Variants in NEK10 observed in about 807,000 individuals in gnomAD.
NEK10 encodes NIMA related kinase 10, also known as serine/threonine-protein kinase Nek10.
In NEK10, 122 loss-of-function variants were observed where a neutral mutation model predicts 159.8. That is an observed-to-expected ratio of 0.76 (90% CI 0.66 to 0.89). The LOEUF (loss-of-function observed/expected upper bound fraction) is 0.89. Among genes scored for constraint, NEK10 ranks in the 40% least tolerant of loss-of-function variants. The pLI is 0.00. For missense variants in NEK10, 1,342 were observed against 1,323.1 expected (o/e 1.01, Z -0.22); for synonymous variants, 466 against 457.1 (o/e 1.02, Z -0.25).
chr3:27,246,502 C>A (rs1377359056), intron 23 of NEK10, among the ~76,000 whole-genome samples: 1 of 152,022 alleles, frequency 6.6e-6, no homozygotes, highest in Non-Finnish European at 1.5e-5. Context: ...GAATAATAAT[C>A]ACATCACAGT....
chr3:27,178,922 T>A (rs1947790773), intron 26 of NEK10, among the ~76,000 whole-genome samples: 1 of 152,202 alleles, frequency 6.6e-6, no homozygotes, highest in Admixed American at 6.5e-5. Context: ...TAATCTTTGA[T>A]CCTGAAAGTT....
intron 22 of NEK10, among the ~76,000 whole-genome samples, chr3:27,268,249 G>A (rs2041061867): frequency 1.3e-5 from 2 of 152,230 alleles, no homozygotes; most frequent in Non-Finnish European, 2.9e-5. Flanking sequence ...GCTATGGCAA[G>A]TTATCCAGAT....
chr3:27,302,635 C>G (rs557847223), intron 12 of NEK10, among the ~76,000 whole-genome samples: 2 of 152,040 alleles, frequency 1.3e-5, no homozygotes, highest in African/African-American at 4.8e-5. Flanking sequence ...CTGCTTTGTT[C>G]CCTTTTGTTT....
intron 4 of NEK10, among the ~76,000 whole-genome samples, chr3:27,345,171 A>T (rs2047466470): frequency 6.6e-6 from 1 of 152,204 alleles, no homozygotes; most frequent in African/African-American, 2.4e-5. Context: ...ACCTCAAAGG[A>T]AAGGTGTGTA....
chr3:27,261,448 A>G (rs1264151186), intron 22 of NEK10, among the ~76,000 whole-genome samples: 2 of 152,222 alleles, frequency 1.3e-5, no homozygotes, highest in Non-Finnish European at 2.9e-5. Context: ...GTTTCAAAGA[A>G]CATCTTTATT....
intron 30 of NEK10, among the ~76,000 whole-genome samples, chr3:27,151,480 C>T (rs1293208302): frequency 6.6e-6 from 1 of 152,134 alleles, no homozygotes; most frequent in Admixed American, 6.5e-5. Context: ...AAGGGAACAC[C>T]CCATGGGACA....
At chr3:27,297,890 C>G (rs890023806) in intron 13 of NEK10, among the ~76,000 whole-genome samples, 1 of 152,188 alleles carries the variant, frequency 6.6e-6, no homozygotes, top group African/African-American at 2.4e-5. Context: ...CTCTATAGCA[C>G]AGAGCTCCTA....
At chr3:27,230,241 C>A (rs961377793) in intron 23 of NEK10, among the ~76,000 whole-genome samples, 2 of 152,026 alleles carry the variant, frequency 1.3e-5, no homozygotes, top group Admixed American at 1.3e-4. Flanking sequence ...AATTAATTTT[C>A]AGCCAAGATT....
chr3:27,126,817 T>C (rs1274767380), intron 32 of NEK10, among the ~76,000 whole-genome samples: 2 of 151,986 alleles, frequency 1.3e-5, no homozygotes, highest in East Asian at 3.8e-4. Context: ...TAGCCCCTAT[T>C]GTGTCTTAGT....
chr3:27,176,133 T>A (rs1489360214), intron 26 of NEK10, among the ~76,000 whole-genome samples: 1 of 152,208 alleles, frequency 6.6e-6, no homozygotes, highest in African/African-American at 2.4e-5. Flanking sequence ...ATAGGTAAGA[T>A]GAAAAGATTT....
chr3:27,353,125 C>A (rs897607369), intron 1 of NEK10, among the ~76,000 whole-genome samples: 3 of 152,108 alleles, frequency 2.0e-5, no homozygotes, highest in African/African-American at 7.2e-5. Context: ...GCATGCTTTA[C>A]CCTCACTCAA....
At chr3:27,230,073 CA>C (rs1187727685) in intron 23 of NEK10, among the ~76,000 whole-genome samples, 1 of 151,892 alleles carries the variant, frequency 6.6e-6, no homozygotes, top group Non-Finnish European at 1.5e-5. Flanking sequence ...AGTTATCAGG[CA>C]AACCAAAATC....
intron 23 of NEK10, among the ~76,000 whole-genome samples, chr3:27,211,980 A>G (rs1291146774): frequency 2.0e-5 from 3 of 152,214 alleles, no homozygotes; most frequent in Non-Finnish European, 4.4e-5. Flanking sequence ...TCACATCTGT[A>G]AGACAGAGAG....
intron 25 of NEK10, among the ~76,000 whole-genome samples, chr3:27,199,462 T>C (rs1261448460): frequency 6.6e-6 from 1 of 152,160 alleles, no homozygotes; most frequent in East Asian, 1.9e-4. Flanking sequence ...AAATAACAGA[T>C]GCTGGAAAGG....
At chr3:27,238,773 G>GTGTT (rs1257108440) in intron 23 of NEK10, among the ~76,000 whole-genome samples, 1 of 151,352 alleles carries the variant, frequency 6.6e-6, no homozygotes, top group East Asian at 1.9e-4. Flanking sequence ...GTGTGTGTGT[G>GTGTT]TGTGTGTGTG....
chr3:27,249,640 A>C (rs1177337267), intron 23 of NEK10, among the ~76,000 whole-genome samples: 5 of 151,962 alleles, frequency 3.3e-5, no homozygotes, highest in East Asian at 1.9e-4. Context: ...TTTAATAGGC[A>C]ACAGATCATT....
intron 32 of NEK10, among the ~76,000 whole-genome samples, chr3:27,129,845 T>G (rs557347360): frequency 6.6e-6 from 1 of 150,948 alleles, no homozygotes; most frequent in Non-Finnish European, 1.5e-5. Flanking sequence ...GATTCACCCA[T>G]AGAGAAAGGT....
chr3:27,172,057 G>A (rs1466700758), intron 28 of NEK10, among the ~76,000 whole-genome samples, 184 bp from the exon 29 acceptor site: 3 of 151,908 alleles, frequency 2.0e-5, no homozygotes, highest in South Asian at 4.2e-4. Context: ...AAAGGTTCTC[G>A]GCCGGGTGTG....
In NEK10 at chr3:27,301,825, A is replaced by G; in HGVS notation, c.1039T>C (p.Phe347Leu). The change falls in exon 13 of 36, where the codon TTT becomes CTT. Residue 347 changes from phenylalanine to leucine, a missense_variant. Transcript: ENST00000691995. The part of the protein sequence containing the change: ...LLHILQGDRN[F>L]VSDHSSIGSL... ...CCAATGGAGGAGTGATCAGAAACAA[A>G]ATTTCTGTCTCTGAAAAAGAAAAGT... is the stretch of plus-strand genomic sequence containing the variant. 6.4e-7 allele frequency: 1 copy of G among 1,551,682 alleles called. No homozygotes were observed. The highest frequency in any genetic ancestry group is 8.7e-7 in the Non-Finnish European group (1 of 1,146,780).
Sources: gnomAD v4.1 joint callset for allele counts (sites outside exome capture counted in the v4.1 genomes callset) on GRCh38, gnomAD v4.1.1 for gene constraint, MANE v1.5 for transcripts, NCBI Gene and HGNC (gene_info 2026-07-23, HGNC 2026-07-21) for gene names.